SLC2A13: variants seen among roughly 807,000 people sequenced by gnomAD.
SLC2A13 encodes proton myo-inositol cotransporter.
Under a neutral mutation model 64.4 loss-of-function variants are expected in SLC2A13, and 32 were observed. The ratio of observed to expected loss-of-function variants is 0.50; its 90% CI spans 0.37 to 0.67. The LOEUF is 0.67. SLC2A13 is among the 30% of genes least tolerant of loss of function. The probability of loss-of-function intolerance (pLI) is 0.00; values close to 1 mark genes in which losing one functional copy is unlikely to be tolerated. For missense variants in SLC2A13, 743 were observed against 829.2 expected (o/e 0.90, Z 1.28); for synonymous variants, 338 against 327.1 (o/e 1.03, Z -0.36).
chr12:40,091,875 C>T (rs1308768723), intron 1 of SLC2A13, among the ~76,000 whole-genome samples: 3 of 152,136 alleles, frequency 2.0e-5, no homozygotes, highest in Non-Finnish European at 2.9e-5. Flanking sequence ...GTTTTCTGAG[C>T]ATGTGCTAAT....
intron 3 of SLC2A13, among the ~76,000 whole-genome samples, chr12:39,991,954 C>G (rs891263563): frequency 6.6e-6 from 1 of 152,138 alleles, no homozygotes; most frequent in Non-Finnish European, 1.5e-5. Flanking sequence ...TGTTCCTCTT[C>G]TTTGATTGCA....
intron 7 of SLC2A13, among the ~76,000 whole-genome samples, chr12:39,780,601 A>G (rs925448594): frequency 1.3e-5 from 2 of 152,226 alleles, no homozygotes; most frequent in Non-Finnish European, 2.9e-5. Context: ...CAAAACAATA[A>G]TTAGAACAGA....
Position 39,758,290 on chromosome 12 carries a change from G to A in SLC2A13, c.*1736C>T, listed in dbSNP as rs1940023544. On this transcript the variant is annotated 3_prime_UTR_variant, in exon 10 of 10. Coordinates refer to ENST00000280871, the MANE Select transcript of SLC2A13 (RefSeq NM_052885.4). ...TTTAAGCACATATTATACCTCTGGT[G>A]ACTTAGAGAATGAACTTCCTCAGCT... 6.6e-6 allele frequency: 1 copy of A among 151,878 alleles called. No individual in the cohort carries two copies. Among genetic ancestry groups the A allele is most frequent in the Admixed American group, 6.6e-5 (1 of 15,202 alleles). 9.4% of individuals were successfully genotyped at this position (151,878 alleles called of 1,614,324 possible). A position where few individuals can be genotyped will look rare whatever the true frequency, so the allele number is the denominator to read the frequency against.
chr12:39,798,700 C>A (rs756385141), intron 7 of SLC2A13, among the ~76,000 whole-genome samples: 1 of 152,184 alleles, frequency 6.6e-6, no homozygotes, highest in Non-Finnish European at 1.5e-5. Context: ...AGATCACATC[C>A]ATTCCAGTCT....
intron 3 of SLC2A13, among the ~76,000 whole-genome samples, chr12:39,979,103 G>T (rs1404819338): frequency 6.6e-6 from 1 of 151,784 alleles, no homozygotes; most frequent in Non-Finnish European, 1.5e-5. Context: ...CAGACCTGCA[G>T]CTGAGGGTCC....
At chr12:39,779,287 G>A (rs1940890586) in intron 7 of SLC2A13, among the ~76,000 whole-genome samples, 1 of 152,130 alleles carries the variant, frequency 6.6e-6, no homozygotes, top group Admixed American at 6.5e-5. Flanking sequence ...TTCTGAAACG[G>A]GAAGGACTGC....
intron 3 of SLC2A13, among the ~76,000 whole-genome samples, chr12:39,997,455 T>C (rs1469646400): frequency 2.6e-5 from 4 of 151,986 alleles, no homozygotes; most frequent in Admixed American, 2.6e-4. Context: ...AACACACATA[T>C]GAAAAAAATG....
At chr12:39,896,463 T>TACAC (rs1944897128) in intron 4 of SLC2A13, among the ~76,000 whole-genome samples, 2 of 144,130 alleles carry the variant, frequency 1.4e-5, no homozygotes, top group Non-Finnish European at 3.0e-5. Flanking sequence ...TGTATATATG[T>TACAC]ATACATATAT....
intron 4 of SLC2A13, among the ~76,000 whole-genome samples, chr12:39,938,277 T>C (rs1299269997): frequency 6.6e-6 from 1 of 152,144 alleles, no homozygotes; most frequent in African/African-American, 2.4e-5. Context: ...TTATGTAGCT[T>C]GTGGAGTTTA....
chr12:39,830,795 C>G (rs1290543622), intron 6 of SLC2A13, among the ~76,000 whole-genome samples: 1 of 152,062 alleles, frequency 6.6e-6, no homozygotes, highest in Admixed American at 6.6e-5. Context: ...TTGGTGAAAT[C>G]TGTGCTTTCA....
At chr12:40,009,402 GA>G (rs1947482704) in intron 3 of SLC2A13, among the ~76,000 whole-genome samples, 1 of 152,052 alleles carries the variant, frequency 6.6e-6, no homozygotes, top group Non-Finnish European at 1.5e-5. Flanking sequence ...CTATTAATAG[GA>G]AATAGAACAT....
intron 3 of SLC2A13, among the ~76,000 whole-genome samples, chr12:40,013,501 G>C (rs910153380): frequency 3.9e-5 from 6 of 152,174 alleles, no homozygotes; most frequent in Non-Finnish European, 5.9e-5. Flanking sequence ...AAGTTGCACA[G>C]CTGCAATTTA....
intron 3 of SLC2A13, among the ~76,000 whole-genome samples, chr12:40,012,171 C>T (rs1218154001): frequency 6.6e-6 from 1 of 152,190 alleles, no homozygotes; most frequent in Admixed American, 6.5e-5. Context: ...CTCATCTCAA[C>T]TTTTTGAAAT....
intron 4 of SLC2A13, among the ~76,000 whole-genome samples, chr12:39,924,797 G>A (rs1945689136): frequency 6.6e-6 from 1 of 152,012 alleles, no homozygotes; most frequent in Admixed American, 6.6e-5. Flanking sequence ...TTGACCTTTT[G>A]TGTTTTGCAT....
In SLC2A13 at chr12:39,852,014, T is replaced by C. The variant is rs73274657; in HGVS notation, c.1319+12748A>G. 7.4e-3 allele frequency among the ~76,000 whole-genome samples: 1,130 copies of C among 152,332 alleles called. 10 individuals are homozygous for C. Among genetic ancestry groups the C allele is most frequent in the African/African-American group, 0.026 (1,070 of 41,574 alleles). ...AGAACAATGCAATGTTGGAAAATGT[T>C]ATGGAATCATTTTCAGTTGCAGGGG... On this transcript the variant is annotated intron_variant, in intron 6 of 9. Transcript: ENST00000280871.
At chr12:39,909,870 T>C (rs1035319868) in intron 4 of SLC2A13, among the ~76,000 whole-genome samples, 1 of 151,896 alleles carries the variant, frequency 6.6e-6, no homozygotes, top group Non-Finnish European at 1.5e-5. Flanking sequence ...TTTTTTTTTT[T>C]TTTTAAGAGA....
rs147564075 is a variant in SLC2A13 at position 39,914,617 on chromosome 12, T to G, written c.1034+36640A>C. Among the ~76,000 whole-genome samples the G allele has an allele frequency of 3.0e-4, 45 of 152,042 alleles. No homozygotes were observed. The East Asian group carries it at 7.8e-3, about 26-fold the overall frequency. On this transcript the variant is annotated intron_variant, in intron 4 of 9. Coordinates refer to ENST00000280871, the MANE Select transcript of SLC2A13 (RefSeq NM_052885.4). ...TTGGTGCAAAGGTAACTGTGGTTTTTGCCACTAAAAGTAATGGCAAAAACT... is the reference window on the plus strand; with the variant it reads ...TTGGTGCAAAGGTAACTGTGGTTTTGGCCACTAAAAGTAATGGCAAAAACT...
intron 4 of SLC2A13, chr12:39,907,648 A>G (rs1463150046): frequency 6.6e-6 from 1 of 152,116 alleles, no homozygotes; most frequent in Non-Finnish European, 1.5e-5. Context: ...CAATTCACCT[A>G]CCCATTACTT....
chr12:40,091,446 CT>C (rs1174491776), intron 1 of SLC2A13, among the ~76,000 whole-genome samples: 2 of 152,134 alleles, frequency 1.3e-5, no homozygotes, highest in African/African-American at 4.8e-5. Flanking sequence ...TATTGCTAGA[CT>C]TTTTTGCTGT....
Sources: gnomAD v4.1 joint callset for allele counts (sites outside exome capture counted in the v4.1 genomes callset) on GRCh38, gnomAD v4.1.1 for gene constraint, MANE v1.5 for transcripts, NCBI Gene and HGNC (gene_info 2026-07-23, HGNC 2026-07-21) for gene names.